POLR2B: variants seen among roughly 807,000 people sequenced by gnomAD.
POLR2B encodes the protein DNA-directed RNA polymerase II subunit RPB2.
A neutral mutation model predicts 144.6 loss-of-function variants in POLR2B; 57 were observed. That is an observed-to-expected ratio of 0.39 (90% CI 0.32 to 0.49). The LOEUF is 0.49. Among genes scored for constraint, POLR2B ranks in the 20% least tolerant of loss-of-function variants. The pLI is 0.83. For missense variants in POLR2B, 595 were observed against 1,467.4 expected (o/e 0.41, Z 9.71); for synonymous variants, 442 against 469.8 (o/e 0.94, Z 0.77).
In POLR2B at chr4:57,010,742, T is replaced by C; in HGVS notation, c.1549-6T>C. 1 of 1,579,300 alleles carries C rather than the reference T, an allele frequency of 6.3e-7. No individual in the cohort carries two copies. Among genetic ancestry groups the C allele is most frequent in the Non-Finnish European group, 8.6e-7 (1 of 1,164,376 alleles). On this transcript the variant is annotated splice_polypyrimidine_tract_variant and splice_region_variant and intron_variant, in intron 11 of 24. Coordinates refer to ENST00000314595, the MANE Select transcript of POLR2B (RefSeq NM_000938.3). ...CAGAATGACTAATACTTGGTTTATT[T>C]TTTAGGGCCATGCTGTAGGACTTGT...
At chr4:57,014,793 G>C (rs1402878879) in intron 13 of POLR2B, among the ~76,000 whole-genome samples, 1 of 152,102 alleles carries the variant, frequency 6.6e-6, no homozygotes, top group Non-Finnish European at 1.5e-5. Context: ...TTGAGCCACC[G>C]TGCCTGGTCT....
intron 10 of POLR2B, chr4:57,009,434 T>C (rs1723122927): frequency 6.6e-6 from 1 of 152,332 alleles, no homozygotes; most frequent in South Asian, 2.1e-4. Context: ...TGCTCTTCTG[T>C]AGCCAGTGGC....
At chr4:56,990,346 C>T (rs953684780) in intron 2 of POLR2B, among the ~76,000 whole-genome samples, 5 of 152,074 alleles carry the variant, frequency 3.3e-5, no homozygotes, top group African/African-American at 1.2e-4. Flanking sequence ...CTACCTCATC[C>T]TCTTGAATAT....
intron 3 of POLR2B, among the ~76,000 whole-genome samples, chr4:56,992,940 T>G (rs928676168): frequency 6.6e-6 from 1 of 152,166 alleles, no homozygotes; most frequent in African/African-American, 2.4e-5. Flanking sequence ...TGAGAGACTG[T>G]CAAAGAATAT....
rs772542405 is a variant in POLR2B, at chr4:57,023,592, T to G, written c.2766+12T>G. Reference sequence around the variant, plus strand: ...TTTGTAAAATAAGGGTGAGTACAACTTTGTTCATGTAGCTAGTTTTAGAAA... The same window carrying G: ...TTTGTAAAATAAGGGTGAGTACAACGTTGTTCATGTAGCTAGTTTTAGAAA... On this transcript the variant is annotated intron_variant, in intron 19 of 24. Coordinates refer to ENST00000314595, the MANE Select transcript of POLR2B (RefSeq NM_000938.3). The surrounding 1 kb of genome is among the most constrained non-coding windows in gnomAD (Gnocchi z 4.3). The G allele has an allele frequency of 3.1e-6, 5 of 1,613,186 alleles. No individual in the cohort carries two copies. The highest frequency in any genetic ancestry group is 4.2e-6 in the Non-Finnish European group (5 of 1,179,298).
intron 7 of POLR2B, among the ~76,000 whole-genome samples, chr4:57,004,428 C>A (rs1560477642): frequency 3.3e-5 from 5 of 150,940 alleles, no homozygotes. Context: ...TTTAGGTTCT[C>A]ACTTTCTTTC....
intron 2 of POLR2B, 169 bp downstream of exon 2, chr4:56,986,595 T>C (rs1052859402): frequency 1.2e-5 from 6 of 480,100 alleles, no homozygotes; most frequent in Admixed American, 7.7e-5. Context: ...AAGAATTCAT[T>C]TAATCATTTT....
chr4:57,029,435 C>A (rs547808848), intron 23 of POLR2B, among the ~76,000 whole-genome samples: 38 of 152,096 alleles, frequency 2.5e-4, no homozygotes, highest in Non-Finnish European at 7.4e-5. Flanking sequence ...GTCTAATGAT[C>A]CAGATCAGTG....
chr4:56,980,082 A>C (rs547479743), intron 1 of POLR2B, among the ~76,000 whole-genome samples: 8 of 147,530 alleles, frequency 5.4e-5, no homozygotes, highest in Admixed American at 2.1e-4. Flanking sequence ...ATTGAAGCAA[A>C]AGCTTAATTT....
intron 9 of POLR2B, 125 bp from the exon 10 acceptor site, chr4:57,006,691 A>T: frequency 1.4e-6 from 1 of 694,266 alleles, no homozygotes; most frequent in Non-Finnish European, 2.5e-6. Context: ...AAAGAGCAAC[A>T]ACTTTCACTC....
At chr4:57,011,560 C>T (rs912679507) in intron 13 of POLR2B, among the ~76,000 whole-genome samples, 1 of 151,864 alleles carries the variant, frequency 6.6e-6, no homozygotes, top group African/African-American at 2.4e-5. Context: ...CATGGTGGCT[C>T]ACGCCTGTAA....
rs537891294 is a variant in POLR2B, at chr4:56,987,064, G to A, written c.92+638G>A. On this transcript the variant is annotated intron_variant, in intron 2 of 24. Transcript: ENST00000314595. ...TTACCTTGACATTTTTGAAGAATAC[G>A]GGCCAGTTACTTTTTAGGATGCCTT... Among the ~76,000 whole-genome samples the A allele has an allele frequency of 5.9e-5, 9 of 152,114 alleles. No individual in the cohort carries two copies. In the South Asian group the frequency reaches 1.5e-3, roughly 25 times the overall value.
intron 3 of POLR2B, among the ~76,000 whole-genome samples, chr4:56,992,125 G>T (rs1165469589): frequency 2.0e-5 from 3 of 152,116 alleles, no homozygotes; most frequent in Admixed American, 6.6e-5. Flanking sequence ...TTACTATGAA[G>T]AACTCTCTTA....
Position 57,023,814 on chromosome 4 carries a change from A to C in POLR2B, c.2856+63A>C, listed in dbSNP as rs932473552. On this transcript the variant is annotated intron_variant, in intron 20 of 24. Coordinates refer to ENST00000314595, the MANE Select transcript of POLR2B (RefSeq NM_000938.3). The surrounding 1 kb of genome is among the most constrained non-coding windows in gnomAD (Gnocchi z 4.3). ...TTGTTAAATATTTTTTTTTTAATCAAAATTTGCTTTAACTTAAGAGCTCAA... is the reference window on the plus strand; with the variant it reads ...TTGTTAAATATTTTTTTTTTAATCACAATTTGCTTTAACTTAAGAGCTCAA... 6 of 1,195,038 alleles carry C rather than the reference A, an allele frequency of 5.0e-6. No homozygotes were observed. In the African/African-American group the frequency reaches 7.7e-5, roughly 15 times the overall value. The allele number at this position is 1,195,038 out of a possible 1,614,324, so 74.0% of individuals were successfully genotyped here.
At chr4:56,993,091 G>T (rs1177636826) in intron 3 of POLR2B, among the ~76,000 whole-genome samples, 1 of 151,834 alleles carries the variant, frequency 6.6e-6, no homozygotes, top group Non-Finnish European at 1.5e-5. Flanking sequence ...ATCTCTTGAG[G>T]CCAGGAGTTT....
intron 6 of POLR2B, among the ~76,000 whole-genome samples, chr4:56,996,206 A>ATATGTGTGTGTGTG (rs71889513): frequency 1.8e-3 from 205 of 115,322 alleles, no homozygotes; most frequent in Non-Finnish European, 3.0e-3. Context: ...ATTTCAGTTC[A>ATATGTGTGTGTGTG]TGTGTGTGTG....
At position 57,017,286 on chromosome 4, in the gene POLR2B, T is replaced by G. The variant is rs1212372331; in HGVS notation, c.2154+45T>G. On this transcript the variant is annotated intron_variant, in intron 15 of 24. Coordinates refer to ENST00000314595, the MANE Select transcript of POLR2B (RefSeq NM_000938.3). This position sits in a 1 kb window ranked among gnomAD's most constrained non-coding sequence, Gnocchi z 4.8. ...TTCTGGTGTGAGGAATTGGGAGAAGTAATAAAAATTGAAAGTAACTCTGTA... is the reference window on the plus strand; with the variant it reads ...TTCTGGTGTGAGGAATTGGGAGAAGGAATAAAAATTGAAAGTAACTCTGTA... 3 of 1,396,028 alleles carry G rather than the reference T, an allele frequency of 2.1e-6. No homozygotes were observed. The highest frequency in any genetic ancestry group is 1.4e-5 in the African/African-American group (1 of 70,114). The allele number at this position is 1,396,028 out of a possible 1,614,324, so 86.5% of individuals were successfully genotyped here.
chr4:57,015,398 G>C (rs1723332675), intron 13 of POLR2B, 104 bp from the exon 14 acceptor site: 1 of 522,826 alleles, frequency 1.9e-6, no homozygotes, highest in Non-Finnish European at 3.2e-6. Flanking sequence ...TTGATAAATT[G>C]GTTGCTCCAG....
intron 6 of POLR2B, 117 bp downstream of exon 6, chr4:56,995,526 G>C: frequency 7.8e-6 from 5 of 640,102 alleles, no homozygotes; most frequent in Non-Finnish European, 1.3e-5. Flanking sequence ...GTTATATATC[G>C]TATTGTTTAC....
Sources: allele counts gnomAD v4.1 joint callset (sites outside exome capture counted in the v4.1 genomes callset), GRCh38; gene constraint gnomAD v4.1.1; non-coding constraint Gnocchi (gnomAD v3.1); transcripts MANE v1.5; gene names NCBI Gene and HGNC (gene_info 2026-07-23, HGNC 2026-07-21).